TENM3: variants seen among roughly 807,000 people sequenced by gnomAD.
The protein encoded by TENM3 is teneurin-3.
A neutral mutation model predicts 255.1 loss-of-function variants in TENM3; 63 were observed. That is an observed-to-expected ratio of 0.25 (90% CI 0.20 to 0.30). The LOEUF is 0.30. Among genes scored for constraint, TENM3 ranks in the 10% least tolerant of loss-of-function variants. The probability of loss-of-function intolerance (pLI) is 1.00; values close to 1 mark genes in which losing one functional copy is unlikely to be tolerated. For synonymous variants in TENM3, 1,306 were observed against 1,322.3 expected, an observed-to-expected ratio of 0.99 and a Z score of 0.27; for missense variants, 2,929 against 3,461.1, an observed-to-expected ratio of 0.85 and a Z score of 3.86.
At chr4:181,732,190 T>C in the TENM3 span, among the ~76,000 whole-genome samples, 1 of 152,138 alleles carries the variant, frequency 6.6e-6, no homozygotes, top group African/African-American at 2.4e-5. Flanking sequence ...GAGAAATGAC[T>C]GGATGGGTGA....
At chr4:181,480,678 A>C in the TENM3 span, among the ~76,000 whole-genome samples, 1 of 151,626 alleles carries the variant, frequency 6.6e-6, no homozygotes, top group African/African-American at 2.4e-5. Context: ...ATGTAGTTTT[A>C]TCTCTATCTA....
intron 1 of TENM3, among the ~76,000 whole-genome samples, chr4:182,196,651 C>T (rs990063683): frequency 6.6e-6 from 1 of 152,166 alleles, no homozygotes; most frequent in Non-Finnish European, 1.5e-5. Context: ...GTGGAGAGGA[C>T]CTGTGCCCTG....
At chr4:182,771,627 T>G (rs1476432678) in intron 22 of TENM3, among the ~76,000 whole-genome samples, 1 of 152,238 alleles carries the variant, frequency 6.6e-6, no homozygotes, top group Non-Finnish European at 1.5e-5. Context: ...CTGCAAGACT[T>G]ATGCCAAACT....
chr4:181,879,303 A>AGAGG, the TENM3 span, among the ~76,000 whole-genome samples: 2 of 152,094 alleles, frequency 1.3e-5, no homozygotes, highest in African/African-American at 4.8e-5. Context: ...GAAAGTAGAG[A>AGAGG]GAGGGAGGGA....
intron 11 of TENM3, among the ~76,000 whole-genome samples, chr4:182,687,342 G>A (rs939471395): frequency 6.6e-6 from 1 of 152,016 alleles, no homozygotes; most frequent in Non-Finnish European, 1.5e-5. Context: ...CTCTCAATTG[G>A]AACTAGTTAA....
intron 4 of TENM3, among the ~76,000 whole-genome samples, chr4:182,617,811 G>A (rs1194199966): frequency 6.6e-6 from 1 of 152,146 alleles, no homozygotes; most frequent in Non-Finnish European, 1.5e-5. Context: ...TTAGTTTAAT[G>A]TAAATGATTC....
chr4:182,594,875 G>A (rs944610263), intron 3 of TENM3, among the ~76,000 whole-genome samples: 12 of 151,874 alleles, frequency 7.9e-5, no homozygotes, highest in African/African-American at 1.7e-4. Context: ...ACGTGCCACC[G>A]CGCCCAGCTA....
intron 1 of TENM3, among the ~76,000 whole-genome samples, chr4:182,186,341 C>G (rs1385868546): frequency 1.3e-5 from 2 of 152,068 alleles, no homozygotes; most frequent in African/African-American, 4.8e-5. Flanking sequence ...GATATATGAT[C>G]ATGTTTAAAA....
At chr4:181,966,395 T>C in the TENM3 span, among the ~76,000 whole-genome samples, 22 of 152,272 alleles carry the variant, frequency 1.4e-4, no homozygotes, top group Admixed American at 1.3e-3. Context: ...ATGAAGTCAT[T>C]CTCCAAGCTC....
chr4:182,579,215 G>A (rs949945431), intron 3 of TENM3, among the ~76,000 whole-genome samples: 1 of 152,160 alleles, frequency 6.6e-6, no homozygotes, highest in African/African-American at 2.4e-5. Flanking sequence ...TGCCATGTTG[G>A]TTTTAAACAG....
intron 5 of TENM3, among the ~76,000 whole-genome samples, chr4:182,650,263 A>T (rs1753138326): frequency 6.7e-6 from 1 of 150,052 alleles, no homozygotes; most frequent in Non-Finnish European, 1.5e-5. Flanking sequence ...TCTTCACCTG[A>T]GACCCAGGGC....
At chr4:181,521,176 C>A in the TENM3 span, among the ~76,000 whole-genome samples, 1 of 152,218 alleles carries the variant, frequency 6.6e-6, no homozygotes, top group African/African-American at 2.4e-5. Context: ...ACATCTGAGA[C>A]CCTGGCGCCC....
the TENM3 span, among the ~76,000 whole-genome samples, chr4:181,539,520 T>C: frequency 1.3e-5 from 2 of 152,196 alleles, no homozygotes; most frequent in Non-Finnish European, 2.9e-5. Flanking sequence ...CCAGTAAAAC[T>C]TAATACGTTT....
chr4:182,555,187 G>A (rs1002050082), intron 3 of TENM3, among the ~76,000 whole-genome samples: 3 of 152,092 alleles, frequency 2.0e-5, no homozygotes, highest in Non-Finnish European at 2.9e-5. Flanking sequence ...GGAGGCAAGC[G>A]AGTCCAAATC....
intron 3 of TENM3, among the ~76,000 whole-genome samples, chr4:182,411,563 T>G (rs536664944): frequency 6.6e-6 from 1 of 152,104 alleles, no homozygotes; most frequent in Non-Finnish European, 1.5e-5. Flanking sequence ...TATGGGTAAG[T>G]CTGGAGGGGG....
the TENM3 span, among the ~76,000 whole-genome samples, chr4:181,773,048 C>G: frequency 2.0e-5 from 3 of 152,130 alleles, no homozygotes; most frequent in African/African-American, 7.2e-5. Context: ...GAGTTCATTT[C>G]CCTTGTTTGG....
intron 1 of TENM3, among the ~76,000 whole-genome samples, chr4:182,167,754 T>C (rs553769364): frequency 2.0e-5 from 3 of 152,136 alleles, no homozygotes; most frequent in African/African-American, 7.2e-5. Context: ...TGCATGCCTG[T>C]AGTCCCAGCT....
the TENM3 span, among the ~76,000 whole-genome samples, chr4:181,571,467 G>T: frequency 6.6e-6 from 1 of 152,048 alleles, no homozygotes; most frequent in Non-Finnish European, 1.5e-5. Flanking sequence ...CTCCTGAGTA[G>T]CTGGGACTAC....
chr4:181,842,339 T>G, the TENM3 span, among the ~76,000 whole-genome samples: 1 of 152,176 alleles, frequency 6.6e-6, no homozygotes, highest in African/African-American at 2.4e-5. Flanking sequence ...GATATCTATT[T>G]TACCCTAAGC....
Sources: allele counts gnomAD v4.1 joint callset (sites outside exome capture counted in the v4.1 genomes callset), GRCh38; gene constraint gnomAD v4.1.1; transcripts MANE v1.5; gene names NCBI Gene and HGNC (gene_info 2026-07-23, HGNC 2026-07-21).